ATE1: variants seen among roughly 807,000 people sequenced by gnomAD.
ATE1 encodes the protein arginyltransferase 1, also known as arginyl-tRNA--protein transferase 1.
A neutral mutation model predicts 70.5 loss-of-function variants in ATE1; 36 were observed. The observed-to-expected ratio is 0.51, with a 90% CI of 0.39 to 0.67. The LOEUF is 0.67. ATE1 is among the 30% of genes least tolerant of loss of function. The pLI is 0.00. For synonymous variants in ATE1, 232 were observed against 219.3 expected (o/e 1.06, Z -0.51); for missense variants, 593 against 629.5 (o/e 0.94, Z 0.62).
intron 7 of ATE1, among the ~76,000 whole-genome samples, chr10:121,895,511 G>A (rs1334401003): frequency 6.6e-6 from 1 of 152,144 alleles, no homozygotes; most frequent in African/African-American, 2.4e-5. Flanking sequence ...CTACTCGGGA[G>A]GCTGAAGCAG....
At chr10:121,780,586 A>C (rs1304863131) in intron 11 of ATE1, among the ~76,000 whole-genome samples, 1 of 152,164 alleles carries the variant, frequency 6.6e-6, no homozygotes, top group Non-Finnish European at 1.5e-5. Flanking sequence ...ATGGCCTTCC[A>C]TTACCTTCAG....
intron 7 of ATE1, among the ~76,000 whole-genome samples, chr10:121,885,094 C>T (rs1386099452): frequency 6.6e-6 from 1 of 151,270 alleles, no homozygotes. Flanking sequence ...AATCCTGTCT[C>T]TACTAAAAAT....
At chr10:121,752,631 T>C (rs1382699209) in intron 11 of ATE1, among the ~76,000 whole-genome samples, 1 of 152,214 alleles carries the variant, frequency 6.6e-6, no homozygotes, top group East Asian at 1.9e-4. Flanking sequence ...TTTTGAAAGA[T>C]GCAGGACCAT....
At chr10:121,852,040 C>A (rs902295095) in intron 8 of ATE1, among the ~76,000 whole-genome samples, 34 of 152,208 alleles carry the variant, frequency 2.2e-4, no homozygotes, top group African/African-American at 8.2e-4. Context: ...CCACCTGCTT[C>A]TATGTACCTT....
chr10:121,775,293 T>C (rs530756729), intron 11 of ATE1, among the ~76,000 whole-genome samples: 1 of 152,092 alleles, frequency 6.6e-6, no homozygotes, highest in East Asian at 1.9e-4. Flanking sequence ...GTAAACCCTT[T>C]ATGAGAACAT....
chr10:121,806,923 C>G (rs1947121985), intron 10 of ATE1, among the ~76,000 whole-genome samples: 1 of 152,074 alleles, frequency 6.6e-6, no homozygotes, highest in Non-Finnish European at 1.5e-5. Context: ...ACATACTCCT[C>G]TCTTCCCTCC....
chr10:121,798,794 G>A (rs766587869), intron 10 of ATE1, among the ~76,000 whole-genome samples: 24 of 152,128 alleles, frequency 1.6e-4, no homozygotes, highest in Non-Finnish European at 2.8e-4. Flanking sequence ...AGCTACTCAG[G>A]AGGCTAAGGC....
At chr10:121,851,220 G>A (rs1444352138) in intron 8 of ATE1, among the ~76,000 whole-genome samples, 1 of 149,404 alleles carries the variant, frequency 6.7e-6, no homozygotes, top group Admixed American at 6.7e-5. Context: ...AGGAGTTTGA[G>A]ACCAGCCTGG....
intron 8 of ATE1, among the ~76,000 whole-genome samples, chr10:121,864,087 T>A (rs1949574082): frequency 6.6e-6 from 1 of 152,242 alleles, no homozygotes; most frequent in Admixed American, 6.5e-5. Context: ...ATGTGGCCAC[T>A]TAGCCTTAAG....
intron 8 of ATE1, among the ~76,000 whole-genome samples, chr10:121,865,427 C>T (rs944114199): frequency 2.0e-5 from 3 of 152,152 alleles, no homozygotes; most frequent in African/African-American, 7.2e-5. Flanking sequence ...AGACTGTGCC[C>T]TACTGGACTA....
At chr10:121,831,713 T>C (rs1948244579) in intron 10 of ATE1, among the ~76,000 whole-genome samples, 1 of 152,202 alleles carries the variant, frequency 6.6e-6, no homozygotes, top group African/African-American at 2.4e-5. Flanking sequence ...TCTAAAAAAA[T>C]GGCAGAAAGA....
intron 10 of ATE1, among the ~76,000 whole-genome samples, chr10:121,807,205 C>T (rs1909009): frequency 0.75 from 113,760 of 152,168 alleles, 42,690 homozygotes; most frequent in Non-Finnish European, 0.79. Flanking sequence ...AGCAATACTT[C>T]AAAGCACTCA....
In ATE1 at chr10:121,762,214, A is replaced by G. The variant is rs368705434; in HGVS notation, c.1379-18356T>C. Among the ~76,000 whole-genome samples, 7 of 152,296 alleles carry G rather than the reference A, an allele frequency of 4.6e-5. No homozygotes were observed. In the South Asian group the frequency reaches 8.3e-4, roughly 18 times the overall value. On this transcript the variant is annotated intron_variant, in intron 11 of 11. Coordinates refer to ENST00000224652, the MANE Select transcript of ATE1 (RefSeq NM_001001976.3). ...CCTGGGTTTTCTCTTGCCCCAGGGC[A>G]ATCCTTTTTCATTGACTGACTTCTC...
chr10:121,868,136 T>C (rs900625258), intron 8 of ATE1, among the ~76,000 whole-genome samples: 2 of 152,186 alleles, frequency 1.3e-5, no homozygotes, highest in Admixed American at 6.5e-5. Flanking sequence ...TCTTGATAGG[T>C]TAAAAAAAAA....
At chr10:121,856,609 A>G (rs1414224325) in intron 8 of ATE1, among the ~76,000 whole-genome samples, 1 of 152,236 alleles carries the variant, frequency 6.6e-6, no homozygotes, top group African/African-American at 2.4e-5. Context: ...AGTGAACATC[A>G]CAATAAGGCA....
chr10:121,845,649 A>G (rs1464366035), intron 8 of ATE1, among the ~76,000 whole-genome samples: 3 of 152,200 alleles, frequency 2.0e-5, no homozygotes, highest in Admixed American at 6.5e-5. Context: ...CTGGTTAACA[A>G]TTCTGATACT....
intron 3 of ATE1, among the ~76,000 whole-genome samples, chr10:121,917,614 C>A (rs1238817280): frequency 1.3e-5 from 2 of 150,950 alleles, no homozygotes; most frequent in African/African-American, 2.4e-5. Flanking sequence ...GAGAGAAGCC[C>A]GGAAATAATG....
rs773187203 is a variant in ATE1 at position 121,823,300 on chromosome 10, A to AAAAAC, written c.1257+13413_1257+13417dup. Among the ~76,000 whole-genome samples the AAAAAC allele has an allele frequency of 2.3e-4, 35 of 152,234 alleles. No homozygotes were observed. In the South Asian group the frequency reaches 2.7e-3, roughly 12 times the overall value. ...ACAAGACTTCCTCTCAAAAAAAAACAAAAACAAAACAAAACAAAACAAATA... is the reference window on the plus strand; with the variant it reads ...ACAAGACTTCCTCTCAAAAAAAAACAAAAACAAAACAAAACAAAACAAAACAAATA... On this transcript the variant is annotated intron_variant, in intron 10 of 11. Transcript: ENST00000224652.
chr10:121,772,755 A>C (rs1209214389), intron 11 of ATE1, among the ~76,000 whole-genome samples: 1 of 152,250 alleles, frequency 6.6e-6, no homozygotes, highest in African/African-American at 2.4e-5. Context: ...CAACCGCTTA[A>C]GCAGAATTTA....
Sources: allele counts gnomAD v4.1 joint callset (sites outside exome capture counted in the v4.1 genomes callset), GRCh38; gene constraint gnomAD v4.1.1; transcripts MANE v1.5; gene names NCBI Gene and HGNC (gene_info 2026-07-23, HGNC 2026-07-21).